SPAG16: variants seen among roughly 807,000 people sequenced by gnomAD.
The protein encoded by SPAG16 is sperm associated antigen 16, also known as sperm-associated antigen 16 protein.
In SPAG16, 86 loss-of-function variants were observed where a neutral mutation model predicts 80.4. The observed-to-expected ratio is 1.07, with a 90% CI of 0.90 to 1.28. SPAG16 has a LOEUF of 1.28. SPAG16 is among the 50% of genes most tolerant of loss of function. The pLI, the probability that SPAG16 is intolerant of heterozygous loss-of-function variation, is 0.00. For synonymous variants in SPAG16, 294 were observed against 265.9 expected (o/e 1.11, Z -1.03); for missense variants, 870 against 765.3 (o/e 1.14, Z -1.61).
chr2:214,331,562 C>A (rs997655530), intron 15 of SPAG16, among the ~76,000 whole-genome samples: 1 of 152,208 alleles, frequency 6.6e-6, no homozygotes, highest in Non-Finnish European at 1.5e-5. Context: ...ATCATTTGGT[C>A]TCTGGATTTA....
chr2:213,862,649 G>T, intron 11 of SPAG16, 21 bp downstream of exon 11: 1 of 1,613,148 alleles, frequency 6.2e-7, no homozygotes, highest in South Asian at 1.1e-5. Flanking sequence ...AGGACCCCTA[G>T]AAATAGCCTA....
chr2:213,657,957 A>T (rs2063280457), intron 10 of SPAG16, among the ~76,000 whole-genome samples: 1 of 152,196 alleles, frequency 6.6e-6, no homozygotes, highest in Admixed American at 6.5e-5. Context: ...ATGTGAATTA[A>T]CTACTCAGAA....
intron 15 of SPAG16, among the ~76,000 whole-genome samples, chr2:214,394,239 T>G (rs6706069): frequency 0.87 from 131,621 of 151,956 alleles, 57,092 homozygotes; most frequent in Middle Eastern, 0.9. Flanking sequence ...TCAAGTAAGA[T>G]CTATACAGTG....
intron 15 of SPAG16, among the ~76,000 whole-genome samples, chr2:214,223,969 G>C (rs1339567651): frequency 2.6e-5 from 4 of 152,132 alleles, no homozygotes; most frequent in African/African-American, 9.7e-5. Flanking sequence ...GAGCAGAATG[G>C]GTAAAGTGAA....
intron 15 of SPAG16, among the ~76,000 whole-genome samples, chr2:214,256,538 A>G (rs1690696082): frequency 6.6e-6 from 1 of 150,768 alleles, no homozygotes; most frequent in Admixed American, 6.6e-5. Context: ...TCTATGATCC[A>G]TCTGAAATTA....
At chr2:214,265,995 C>T (rs1000189843) in intron 15 of SPAG16, among the ~76,000 whole-genome samples, 17 of 151,860 alleles carry the variant, frequency 1.1e-4, no homozygotes, top group Admixed American at 6.6e-4. Flanking sequence ...ATAAGTCCTA[C>T]GTGAGCTGAG....
At chr2:213,567,487 G>GT in intron 10 of SPAG16, among the ~76,000 whole-genome samples, 1 of 116,236 alleles carries the variant, frequency 8.6e-6, no homozygotes, top group Non-Finnish European at 1.7e-5. Context: ...GCGGTGTTTG[G>GT]TTTTTTGTTC....
At chr2:214,330,086 A>G (rs1486384271) in intron 15 of SPAG16, among the ~76,000 whole-genome samples, 6 of 149,452 alleles carry the variant, frequency 4.0e-5, no homozygotes, top group African/African-American at 7.4e-5. Context: ...GGCCAACATG[A>G]TGAAACCCTA....
At chr2:214,053,430 C>A (rs760057455) in intron 13 of SPAG16, among the ~76,000 whole-genome samples, 2 of 152,114 alleles carry the variant, frequency 1.3e-5, no homozygotes, top group Non-Finnish European at 2.9e-5. Flanking sequence ...TAGTACTTAC[C>A]ATATCTCAGA....
At chr2:213,287,263 A>G (rs2062089515) in intron 1 of SPAG16, among the ~76,000 whole-genome samples, 1 of 152,220 alleles carries the variant, frequency 6.6e-6, no homozygotes. Context: ...AAGAAGGTTG[A>G]TTGTCTTTTG....
At chr2:214,113,428 T>C (rs1303160968) in intron 14 of SPAG16, among the ~76,000 whole-genome samples, 1 of 152,224 alleles carries the variant, frequency 6.6e-6, no homozygotes, top group Non-Finnish European at 1.5e-5. Flanking sequence ...CCAACTTGGT[T>C]CCATTTTCCC....
chr2:213,942,232 G>GA (rs1229083472), intron 12 of SPAG16, among the ~76,000 whole-genome samples: 1 of 151,980 alleles, frequency 6.6e-6, no homozygotes, highest in Non-Finnish European at 1.5e-5. Context: ...CATAGCTATG[G>GA]AAAAAAATCA....
Position 213,732,743 on chromosome 2 carries a change from A to AT in SPAG16, c.1071-129734dup, listed in dbSNP as rs201742767. Reference sequence around the variant, plus strand: ...TTTCCATTTGCTTGTGTTATCTGTGATTTTTTTTGAGCAGTGATTTATAGT... The same window carrying AT: ...TTTCCATTTGCTTGTGTTATCTGTGATTTTTTTTTGAGCAGTGATTTATAGT... On this transcript the variant is annotated intron_variant, in intron 10 of 15. Transcript: ENST00000331683. Among the ~76,000 whole-genome samples, 937 of 152,000 alleles carry AT rather than the reference A, an allele frequency of 6.2e-3. 6 individuals are homozygous for AT. The highest frequency in any genetic ancestry group is 0.01 in the Admixed American group (159 of 15,260).
intron 10 of SPAG16, chr2:213,758,192 C>T (rs184362591): frequency 2.1e-3 from 317 of 153,110 alleles, no homozygotes; most frequent in African/African-American, 7.3e-3. Flanking sequence ...TAGCCTACAA[C>T]AGAATCCTCT....
chr2:214,240,083 G>A (rs1400684518), intron 15 of SPAG16: 2 of 152,090 alleles, frequency 1.3e-5, no homozygotes, highest in Admixed American at 6.6e-5. Flanking sequence ...GAAATCAACT[G>A]GTGTCTTCCC....
chr2:214,087,582 T>G (rs1231370922), intron 13 of SPAG16, among the ~76,000 whole-genome samples: 1 of 151,574 alleles, frequency 6.6e-6, no homozygotes, highest in Non-Finnish European at 1.5e-5. Context: ...GGGAAGAAAT[T>G]GAGAAGTAAT....
At chr2:214,058,386 G>A (rs528356253) in intron 13 of SPAG16, among the ~76,000 whole-genome samples, 95 of 152,210 alleles carry the variant, frequency 6.2e-4, no homozygotes, top group African/African-American at 2.0e-3. Flanking sequence ...GCTGTTCCAT[G>A]GAGCAAGCAG....
At chr2:213,425,291 A>G (rs1204564813) in intron 9 of SPAG16, among the ~76,000 whole-genome samples, 7 of 151,950 alleles carry the variant, frequency 4.6e-5, no homozygotes, top group African/African-American at 7.3e-5. Context: ...CTGCACTCCA[A>G]TCTGGGTGAG....
At chr2:213,705,451 T>C (rs1222359465) in intron 10 of SPAG16, among the ~76,000 whole-genome samples, 1 of 147,664 alleles carries the variant, frequency 6.8e-6, no homozygotes, top group East Asian at 2.0e-4. Flanking sequence ...TTTGTTTTGT[T>C]TTTTCCAATT....
Sources: gnomAD v4.1 joint callset for allele counts (sites outside exome capture counted in the v4.1 genomes callset) on GRCh38, gnomAD v4.1.1 for gene constraint, MANE v1.5 for transcripts, NCBI Gene and HGNC (gene_info 2026-07-23, HGNC 2026-07-21) for gene names.